Variants in ZNF385D observed in about 807,000 individuals in gnomAD.
ZNF385D encodes zinc finger protein 659.
ZNF385D carries 15 observed loss-of-function variants against 35.8 expected under a neutral mutation model. The observed-to-expected ratio is 0.42, with a 90% CI of 0.28 to 0.64. The LOEUF is 0.64. ZNF385D is among the 30% of genes least tolerant of loss of function. The pLI, the probability that ZNF385D is intolerant of heterozygous loss-of-function variation, is 0.23. For synonymous variants in ZNF385D, 212 were observed against 186.8 expected (o/e 1.13, Z -1.10); for missense variants, 474 against 494.6 (o/e 0.96, Z 0.39).
At chr3:22,220,212 T>C (rs1408986903) in intron 2 of ZNF385D, among the ~76,000 whole-genome samples, 1 of 151,950 alleles carries the variant, frequency 6.6e-6, no homozygotes, top group African/African-American at 2.4e-5. Context: ...CACAGGCACG[T>C]GCCACCACAC....
chr3:21,801,141 T>C (rs1054003015), intron 3 of ZNF385D, among the ~76,000 whole-genome samples: 2 of 152,218 alleles, frequency 1.3e-5, no homozygotes, highest in African/African-American at 4.8e-5. Flanking sequence ...TGATTTCATA[T>C]GTTGAATCAC....
At chr3:21,647,162 A>G (rs1368926733) in intron 2 of ZNF385D, among the ~76,000 whole-genome samples, 42 of 152,220 alleles carry the variant, frequency 2.8e-4, no homozygotes, top group Admixed American at 2.7e-3. Context: ...TTTTCTAAGT[A>G]CTAGTATTTT....
Position 21,684,430 on chromosome 3 carries a change from T to TCC in ZNF385D, c.23-19404_23-19403dup, listed in dbSNP as rs1370856929. 2.9e-4 allele frequency among the ~76,000 whole-genome samples: 33 copies of TCC among 112,140 alleles called. 1 individual carries two copies. The East Asian group carries it at 8.8e-3, about 30-fold the overall frequency. 73.6% of individuals were successfully genotyped at this position (112,140 alleles called of 152,430 possible). A position where few individuals can be genotyped will look rare whatever the true frequency, so the allele number is the denominator to read the frequency against. On this transcript the variant is annotated intron_variant, in intron 1 of 7. Transcript: ENST00000281523. Reference sequence around the variant, plus strand: ...CTCTCTCTCTCTCTCTCTCTCTCTCTCCTCTCTCTCTTTCTTTCTTTCGTA... The same window carrying TCC: ...CTCTCTCTCTCTCTCTCTCTCTCTCTCCCCTCTCTCTCTTTCTTTCTTTCGTA...
At chr3:21,925,979 C>A (rs146709668) in intron 3 of ZNF385D, among the ~76,000 whole-genome samples, 1 of 151,912 alleles carries the variant, frequency 6.6e-6, no homozygotes, top group Non-Finnish European at 1.5e-5. Context: ...GTGATAACAA[C>A]AAATATTAGT....
chr3:22,213,465 T>A (rs1357820155), intron 2 of ZNF385D, among the ~76,000 whole-genome samples: 1 of 152,084 alleles, frequency 6.6e-6, no homozygotes, highest in Non-Finnish European at 1.5e-5. Context: ...AATAGAATAC[T>A]TCCAGTGGTA....
chr3:21,619,122 C>T (rs2064929600), intron 2 of ZNF385D, among the ~76,000 whole-genome samples: 1 of 152,040 alleles, frequency 6.6e-6, no homozygotes, highest in South Asian at 2.1e-4. Context: ...GCAGAGAAAC[C>T]CCAATTACCT....
At chr3:21,489,582 CAT>C (rs201250940) in intron 4 of ZNF385D, among the ~76,000 whole-genome samples, 2,335 of 152,252 alleles carry the variant, frequency 0.015, 31 homozygotes, top group Middle Eastern at 0.024. Context: ...TATTTTTAGA[CAT>C]GTGATGTCAA....
At chr3:21,969,785 A>C (rs576857259) in intron 3 of ZNF385D, among the ~76,000 whole-genome samples, 1 of 109,046 alleles carries the variant, frequency 9.2e-6, no homozygotes, top group African/African-American at 4.3e-5. Context: ...CTGACTCAGC[A>C]TAGTTCCAGT....
intron 3 of ZNF385D, among the ~76,000 whole-genome samples, chr3:22,091,669 C>G (rs962302294): frequency 3.3e-5 from 5 of 152,114 alleles, no homozygotes; most frequent in Non-Finnish European, 7.4e-5. Flanking sequence ...CTAAGTCAGT[C>G]CACAGACACA....
intron 2 of ZNF385D, among the ~76,000 whole-genome samples, chr3:22,251,534 C>G (rs1174636594): frequency 1.3e-5 from 2 of 152,094 alleles, no homozygotes; most frequent in Non-Finnish European, 2.9e-5. Flanking sequence ...ACCAGGATTT[C>G]TCAGCTTCAG....
intron 3 of ZNF385D, among the ~76,000 whole-genome samples, chr3:21,899,724 G>C: frequency 6.6e-6 from 1 of 152,140 alleles, no homozygotes; most frequent in East Asian, 1.9e-4. Flanking sequence ...CTTTATGTTT[G>C]CTTTATATTT....
intron 2 of ZNF385D, among the ~76,000 whole-genome samples, chr3:22,200,446 T>A (rs1040959704): frequency 3.9e-5 from 6 of 151,940 alleles, no homozygotes; most frequent in African/African-American, 1.5e-4. Flanking sequence ...ACAAATAGGG[T>A]GTGGGTCACA....
chr3:21,701,911 G>T (rs1299297029), intron 1 of ZNF385D, among the ~76,000 whole-genome samples: 1 of 152,172 alleles, frequency 6.6e-6, no homozygotes, highest in Non-Finnish European at 1.5e-5. Context: ...GAGCAGCCCC[G>T]TCTCTATGGC....
Position 21,526,085 on chromosome 3 carries a change from T to C in ZNF385D, c.277-15062A>G, listed in dbSNP as rs539962748. On this transcript the variant is annotated intron_variant, in intron 3 of 7. Coordinates refer to ENST00000281523, the MANE Select transcript of ZNF385D (RefSeq NM_024697.3). ...AACAGATGCTATTTTCCACTACATA[T>C]TCAGCTGTAATTAGCTAATTTAATG... Among the ~76,000 whole-genome samples the C allele has an allele frequency of 4.6e-5, 7 of 152,282 alleles. No homozygotes were observed. The East Asian group carries it at 1.3e-3, about 29-fold the overall frequency.
rs567333150 is a variant in ZNF385D, at chr3:21,655,540, G to A, written c.165+9346C>T. ...GGTGACATTAGACAGCATCTTTACT[G>A]TCCACTGATGTCCTAGACGCTCTTT... On this transcript the variant is annotated intron_variant, in intron 2 of 7. Coordinates refer to ENST00000281523, the MANE Select transcript of ZNF385D (RefSeq NM_024697.3). Among the ~76,000 whole-genome samples the A allele has an allele frequency of 2.6e-5, 4 of 152,072 alleles. No homozygotes were observed. The South Asian group carries it at 8.3e-4, about 32-fold the overall frequency.
At chr3:22,180,899 C>T (rs1190401402) in intron 2 of ZNF385D, among the ~76,000 whole-genome samples, 1 of 96,380 alleles carries the variant, frequency 1.0e-5, no homozygotes, top group East Asian at 2.3e-4. Flanking sequence ...AATCCAGTAG[C>T]TATATGCTTT....
intron 2 of ZNF385D, among the ~76,000 whole-genome samples, chr3:22,175,995 CT>C (rs1694808817): frequency 6.6e-6 from 1 of 150,908 alleles, no homozygotes. Flanking sequence ...CTATATTTCA[CT>C]ATTAAAATTG....
intron 2 of ZNF385D, among the ~76,000 whole-genome samples, chr3:22,298,882 T>G (rs1158359419): frequency 1.3e-5 from 2 of 151,932 alleles, no homozygotes; most frequent in Non-Finnish European, 2.9e-5. Context: ...TCTCACCAAA[T>G]TCATATAATG....
intron 3 of ZNF385D, among the ~76,000 whole-genome samples, chr3:22,010,633 G>A (rs1229585680): frequency 6.6e-6 from 1 of 152,138 alleles, no homozygotes; most frequent in Non-Finnish European, 1.5e-5. Flanking sequence ...GAATGGACAT[G>A]AGGTTCCAAT....
Sources: gnomAD v4.1 joint callset for allele counts (sites outside exome capture counted in the v4.1 genomes callset) on GRCh38, gnomAD v4.1.1 for gene constraint, MANE v1.5 for transcripts, NCBI Gene and HGNC (gene_info 2026-07-23, HGNC 2026-07-21) for gene names.